The following PARD3B variants were observed in gnomAD, a reference collection of about 807,000 sequenced individuals.
The protein encoded by PARD3B is partitioning defective 3 homolog B.
A neutral mutation model predicts 130.2 loss-of-function variants in PARD3B; 103 were observed. That is an observed-to-expected ratio of 0.79 (90% CI 0.67 to 0.93). The LOEUF is 0.93. Among genes scored for constraint, PARD3B ranks in the 40% least tolerant of loss-of-function variants. The probability of loss-of-function intolerance (pLI) is 0.00; values close to 1 mark genes in which losing one functional copy is unlikely to be tolerated. For missense variants in PARD3B, 1,609 were observed against 1,499.2 expected (o/e 1.07, Z -1.21); for synonymous variants, 583 against 553.2 (o/e 1.05, Z -0.76).
intron 1 of PARD3B, among the ~76,000 whole-genome samples, chr2:204,555,784 TC>T (rs1421776659): frequency 6.6e-6 from 1 of 152,148 alleles, no homozygotes; most frequent in Non-Finnish European, 1.5e-5. Flanking sequence ...TTTTCTCTCT[TC>T]CTAAAATATT....
intron 3 of PARD3B, among the ~76,000 whole-genome samples, chr2:204,997,652 G>A (rs998991565): frequency 6.6e-6 from 1 of 151,928 alleles, no homozygotes; most frequent in African/African-American, 2.4e-5. Flanking sequence ...ACACAATTAT[G>A]TCATCTATGA....
At chr2:204,723,073 G>T (rs1042635384) in intron 2 of PARD3B, among the ~76,000 whole-genome samples, 3 of 152,230 alleles carry the variant, frequency 2.0e-5, no homozygotes, top group Admixed American at 2.0e-4. Context: ...TAATATAGAA[G>T]AAAATATTTC....
intron 2 of PARD3B, among the ~76,000 whole-genome samples, chr2:204,956,290 G>A (rs932899616): frequency 6.6e-6 from 1 of 152,216 alleles, no homozygotes; most frequent in African/African-American, 2.4e-5. Context: ...CTAGAGAGAA[G>A]AAGTTGTAGG....
intron 2 of PARD3B, among the ~76,000 whole-genome samples, chr2:204,935,787 T>C (rs1286431433): frequency 5.3e-5 from 8 of 152,144 alleles, no homozygotes; most frequent in Admixed American, 2.0e-4. Context: ...ATGGAACTTG[T>C]CCCTTCTCTG....
intron 18 of PARD3B, among the ~76,000 whole-genome samples, chr2:205,395,042 A>G (rs1364086072): frequency 6.6e-6 from 1 of 152,176 alleles, no homozygotes; most frequent in Non-Finnish European, 1.5e-5. Context: ...AAAGAAATTT[A>G]TTCTTCTCTG....
In PARD3B at chr2:204,634,635, C is replaced by T. The variant is rs139552874; in HGVS notation, c.121-51546C>T. Among the ~76,000 whole-genome samples, 192 of 151,992 alleles carry T rather than the reference C, an allele frequency of 1.3e-3. 1 individual carries two copies. Among genetic ancestry groups the T allele is most frequent in the African/African-American group, 4.4e-3 (183 of 41,464 alleles). On this transcript the variant is annotated intron_variant, in intron 1 of 22. Transcript: ENST00000406610. ...GAGTCTGTATTTTGCTGGTTGTATT[C>T]TATGGTGTTAACATTTTTTTTCTGT...
chr2:204,716,623 CTTTT>C (rs35183526), intron 2 of PARD3B, among the ~76,000 whole-genome samples: 10 of 98,108 alleles, frequency 1.0e-4, no homozygotes, highest in Admixed American at 2.0e-4. Flanking sequence ...ACAGCAACTG[CTTTT>C]TTTTTTTTTT....
chr2:205,467,770 G>A (rs550950918), intron 20 of PARD3B, among the ~76,000 whole-genome samples: 1 of 152,270 alleles, frequency 6.6e-6, no homozygotes, highest in Admixed American at 6.5e-5. Context: ...ACACACTGGA[G>A]TCCAGGGCAG....
intron 10 of PARD3B, among the ~76,000 whole-genome samples, chr2:205,131,520 G>C (rs2031996186): frequency 6.6e-6 from 1 of 152,186 alleles, no homozygotes. Flanking sequence ...ATCTGAAGAT[G>C]TGTCCTGTCT....
intron 15 of PARD3B, among the ~76,000 whole-genome samples, chr2:205,219,032 A>G (rs748924318): frequency 6.6e-6 from 1 of 151,676 alleles, no homozygotes; most frequent in Non-Finnish European, 1.5e-5. Context: ...GTGAGCTGAG[A>G]TTGCACCACT....
chr2:205,171,163 T>TAGC lies in PARD3B; in HGVS notation c.1621-1028_1621-1026dup, dbSNP rs559164476. Among the ~76,000 whole-genome samples, 702 of 152,260 alleles carry TAGC rather than the reference T, an allele frequency of 4.6e-3. 6 individuals carry two copies. The highest frequency in any genetic ancestry group is 0.016 in the African/African-American group (667 of 41,546). ...CTGCTGTTAATTCTGTTGACTTTAT[T>TAGC]AGCAGCAGCAGCAGCAGCAGCATGA... On this transcript the variant is annotated intron_variant, in intron 11 of 22. Transcript: ENST00000406610.
At chr2:204,897,390 T>TTTTTTTG (rs2046678060) in intron 2 of PARD3B, among the ~76,000 whole-genome samples, 1 of 150,600 alleles carries the variant, frequency 6.6e-6, no homozygotes, top group East Asian at 1.9e-4. Context: ...GTACTGTTTT[T>TTTTTTTG]TTTTTTTTTT....
At chr2:205,115,024 T>C (rs1359747815) in intron 6 of PARD3B, among the ~76,000 whole-genome samples, 1 of 152,118 alleles carries the variant, frequency 6.6e-6, no homozygotes, top group Non-Finnish European at 1.5e-5. Context: ...CCAGAGCTAT[T>C]AAATGACCAG....
Position 205,309,033 on chromosome 2 carries a change from T to C in PARD3B, c.2630+7332T>C, listed in dbSNP as rs1225667934. On this transcript the variant is annotated intron_variant, in intron 18 of 22. Coordinates refer to ENST00000406610, the MANE Select transcript of PARD3B (RefSeq NM_001302769.2). The surrounding 1 kb of genome is among the most constrained non-coding windows in gnomAD (Gnocchi z 4.7). ...TACGTTATCAGAATTTAGCACACTA[T>C]GGTACTAAAGCCAAATCACTTTATG... Among the ~76,000 whole-genome samples the C allele has an allele frequency of 6.6e-6, 1 of 152,244 alleles. No individual in the cohort carries two copies.
At position 204,967,799 on chromosome 2, in the gene PARD3B, C is replaced by T. The variant is rs1473657418; in HGVS notation, c.394+2476C>T. On this transcript the variant is annotated intron_variant, in intron 3 of 22. Coordinates refer to ENST00000406610, the MANE Select transcript of PARD3B (RefSeq NM_001302769.2). The surrounding 1 kb of genome is among the most constrained non-coding windows in gnomAD (Gnocchi z 4.4). ...GCAGGATGTGGCCATAGGCTGTGCA[C>T]CTCCAGATGGAGAGATGTGGTTGGC... Among the ~76,000 whole-genome samples the T allele has an allele frequency of 1.3e-5, 2 of 152,184 alleles. No homozygotes were observed. The highest frequency in any genetic ancestry group is 3.8e-4 in the East Asian group (2 of 5,196).
intron 22 of PARD3B, among the ~76,000 whole-genome samples, chr2:205,587,259 C>T (rs573476804): frequency 6.6e-5 from 10 of 152,324 alleles, no homozygotes; most frequent in Non-Finnish European, 1.5e-4. Context: ...GTTTCCATTT[C>T]TTCGTAAGCC....
chr2:205,108,409 C>G (rs1201251523), intron 5 of PARD3B, among the ~76,000 whole-genome samples: 1 of 152,134 alleles, frequency 6.6e-6, no homozygotes, highest in East Asian at 1.9e-4. Flanking sequence ...GCTTTGATCT[C>G]AAGCTAATGG....
In PARD3B at chr2:205,158,763, C is replaced by G; in HGVS notation, c.1476C>G (p.Ser492Arg). The change falls in exon 11 of 23, where the codon AGC becomes AGG. Residue 492 changes from serine (S) to arginine (R), a missense_variant. Transcript: ENST00000406610. The surrounding 1 kb of genome is among the most constrained non-coding windows in gnomAD (Gnocchi z 5.4). ...GCTGTGCACTCTCTCTGGAGACAAGCGAGCAGCTCACCTTTGAGATCCCCC... is the reference window on the plus strand; with the variant it reads ...GCTGTGCACTCTCTCTGGAGACAAGGGAGCAGCTCACCTTTGAGATCCCCC... ...PDCCALSLET[S>R]EQLTFEIPLN... is the part of the protein sequence containing the mutation. The G allele has an allele frequency of 6.2e-7, 1 of 1,614,106 alleles. No homozygotes were observed. The highest frequency in any genetic ancestry group is 8.5e-7 in the Non-Finnish European group (1 of 1,179,994).
chr2:204,583,621 A>AT (rs1165354075), intron 1 of PARD3B, among the ~76,000 whole-genome samples: 15 of 118,604 alleles, frequency 1.3e-4, no homozygotes, highest in Non-Finnish European at 2.4e-4. Flanking sequence ...AACTTAAAGT[A>AT]TAAAAAAAAA....
Sources: gnomAD v4.1 joint callset for allele counts (sites outside exome capture counted in the v4.1 genomes callset) on GRCh38, gnomAD v4.1.1 for gene constraint, Gnocchi (gnomAD v3.1) non-coding constraint, MANE v1.5 for transcripts, NCBI Gene and HGNC (gene_info 2026-07-23, HGNC 2026-07-21) for gene names.